FAM53A: variants seen among roughly 807,000 people sequenced by gnomAD.
FAM53A encodes the protein family with sequence similarity 53 member A.
FAM53A carries 28 observed loss-of-function variants against 26.6 expected under a neutral mutation model. The observed-to-expected ratio is 1.05, with a 90% CI of 0.78 to 1.45. FAM53A has a LOEUF of 1.45. Among genes scored for constraint, FAM53A ranks in the 40% most tolerant of loss-of-function variants. FAM53A has a pLI of 0.00. For missense variants in FAM53A, 650 were observed against 575.8 expected (o/e 1.13, Z -1.32); for synonymous variants, 290 against 253.1 (o/e 1.15, Z -1.38).
the FAM53A span, among the ~76,000 whole-genome samples, chr4:1,605,642 G>C: frequency 1.3e-5 from 2 of 151,980 alleles, no homozygotes; most frequent in Non-Finnish European, 2.9e-5. This position sits in a 1 kb window ranked among gnomAD's most constrained non-coding sequence, Gnocchi z 5.7. Flanking sequence ...TGCCTCCTCC[G>C]TGCACCCCAG....
chr4:1,603,390 C>T, the FAM53A span, among the ~76,000 whole-genome samples: 3 of 152,330 alleles, frequency 2.0e-5, no homozygotes, highest in East Asian at 5.8e-4. Flanking sequence ...AAGGCAGAGC[C>T]GACCACAGCA....
intron 4 of FAM53A, among the ~76,000 whole-genome samples, chr4:1,654,560 C>G (rs573326893): frequency 6.6e-6 from 1 of 152,372 alleles, no homozygotes; most frequent in South Asian, 2.1e-4. Context: ...GAGAGGACCC[C>G]GGGCTCTGCC....
chr4:1,658,496 C>A (rs1270333781), intron 2 of FAM53A, among the ~76,000 whole-genome samples: 1 of 150,390 alleles, frequency 6.6e-6, no homozygotes, highest in Non-Finnish European at 1.5e-5. Flanking sequence ...TGCAACAGCT[C>A]AGACACGGGA....
downstream of FAM53A, among the ~76,000 whole-genome samples, chr4:1,638,985 C>T (rs1715975417): frequency 6.6e-6 from 1 of 152,208 alleles, no homozygotes; most frequent in African/African-American, 2.4e-5. Flanking sequence ...GCCCCACCTG[C>T]CCCTGGGGCA....
In FAM53A at chr4:1,659,514, G is replaced by A. The variant is rs925282050; in HGVS notation, c.76-2046C>T. On this transcript the variant is annotated intron_variant, in intron 2 of 4. Transcript: ENST00000308132. The surrounding 1 kb of genome is among the most constrained non-coding windows in gnomAD (Gnocchi z 5.2). ...GGCAGCTTGAAGGAGCCACAGGCCC[G>A]CACGGTCCCAAATGTGACCACCTCT... Among the ~76,000 whole-genome samples the A allele has an allele frequency of 4.6e-5, 7 of 152,298 alleles. No individual in the cohort carries two copies. In the South Asian group the frequency reaches 6.2e-4, roughly 14 times the overall value.
At chr4:1,578,118 C>A in the FAM53A span, among the ~76,000 whole-genome samples, 1 of 151,736 alleles carries the variant, frequency 6.6e-6, no homozygotes. Context: ...GGTCTGCAGT[C>A]CTGGCTGTCA....
intron 1 of FAM53A, among the ~76,000 whole-genome samples, chr4:1,672,341 GACCCATGGACCCAGGA>G (rs1560202008): frequency 4.8e-5 from 4 of 83,478 alleles, no homozygotes; most frequent in South Asian, 6.1e-4. Context: ...GGAACCCATA[GACCCATGGACCCAGGA>G]ACCCAGGAAC....
At chr4:1,604,821 C>G in the FAM53A span, among the ~76,000 whole-genome samples, 4 of 152,124 alleles carry the variant, frequency 2.6e-5, no homozygotes, top group African/African-American at 7.2e-5. Context: ...AAACCCAGAC[C>G]GAGCACCACC....
intron 1 of FAM53A, among the ~76,000 whole-genome samples, chr4:1,672,764 T>C (rs1168750152): frequency 4.3e-3 from 83 of 19,404 alleles, no homozygotes; most frequent in Admixed American, 0.018. Context: ...ATTTCCTTTT[T>C]TTTTTTTTTT....
At chr4:1,644,114 C>T in intron 4 of FAM53A, 1 of 1,495,474 alleles carries the variant, frequency 6.7e-7, no homozygotes. Flanking sequence ...GTGCTGCCCA[C>T]ACAGGATGGC....
chr4:1,680,437 A>G (rs1715356330), intron 1 of FAM53A, among the ~76,000 whole-genome samples: 2 of 151,746 alleles, frequency 1.3e-5, no homozygotes, highest in Admixed American at 1.3e-4. Context: ...GAGGATATGG[A>G]GCAACTGTGT....
At chr4:1,675,512 C>T (rs967410897) in intron 1 of FAM53A, among the ~76,000 whole-genome samples, 4 of 152,308 alleles carry the variant, frequency 2.6e-5, no homozygotes, top group East Asian at 1.9e-4. Flanking sequence ...TCGCCGTCCT[C>T]GCTCCCAAAG....
At chr4:1,590,991 T>TACACACAC in the FAM53A span, among the ~76,000 whole-genome samples, 20 of 127,856 alleles carry the variant, frequency 1.6e-4, no homozygotes, top group African/African-American at 6.8e-4. Flanking sequence ...TATATATATA[T>TACACACAC]ATATATATAT....
At chr4:1,586,881 C>A in the FAM53A span, among the ~76,000 whole-genome samples, 1 of 151,946 alleles carries the variant, frequency 6.6e-6, no homozygotes, top group Non-Finnish European at 1.5e-5. Flanking sequence ...CCACTTTTCT[C>A]CACATCCTCA....
intron 4 of FAM53A, among the ~76,000 whole-genome samples, chr4:1,652,225 A>AT (rs1712893333): frequency 7.7e-6 from 1 of 129,908 alleles, no homozygotes; most frequent in African/African-American, 2.8e-5. Flanking sequence ...CACACCACAC[A>AT]CACTAGTCGC....
intron 2 of FAM53A, among the ~76,000 whole-genome samples, chr4:1,664,611 C>T (rs951616343): frequency 6.6e-6 from 1 of 152,200 alleles, no homozygotes; most frequent in Non-Finnish European, 1.5e-5. Context: ...GAGCTGGTCT[C>T]ACGTGTAAAC....
intron 4 of FAM53A, chr4:1,644,461 A>G: frequency 1.5e-6 from 2 of 1,314,852 alleles, no homozygotes; most frequent in Non-Finnish European, 2.0e-6. Context: ...GCGCTAGCGA[A>G]GGCCACACGG....
At chr4:1,651,719 C>T (rs1474477758) in intron 4 of FAM53A, among the ~76,000 whole-genome samples, 2 of 149,880 alleles carry the variant, frequency 1.3e-5, no homozygotes, top group South Asian at 2.1e-4. Context: ...GACAGGGACA[C>T]GCAGGCTCAG....
At chr4:1,587,935 C>A in the FAM53A span, among the ~76,000 whole-genome samples, 12 of 152,078 alleles carry the variant, frequency 7.9e-5, no homozygotes, top group Non-Finnish European at 1.3e-4. Flanking sequence ...TTCCCCCTCC[C>A]TTTGCTCTTT....
Sources: allele counts gnomAD v4.1 joint callset (sites outside exome capture counted in the v4.1 genomes callset), GRCh38; gene constraint gnomAD v4.1.1; non-coding constraint Gnocchi (gnomAD v3.1); transcripts MANE v1.5; gene names NCBI Gene and HGNC (gene_info 2026-07-23, HGNC 2026-07-21).